The following SLC31A1 variants were observed in gnomAD, a reference collection of about 807,000 sequenced individuals.
The protein encoded by SLC31A1 is solute carrier family 31 member 1.
In SLC31A1, 5 loss-of-function variants were observed where a neutral mutation model predicts 17.2. The ratio of observed to expected loss-of-function variants is 0.29; its 90% confidence interval spans 0.15 to 0.61. SLC31A1 has a LOEUF of 0.61. SLC31A1 is among the 20% of genes least tolerant of loss of function. The pLI, the probability that SLC31A1 is intolerant of heterozygous loss-of-function variation, is 0.86. For missense variants in SLC31A1, 161 were observed against 241.4 expected (o/e 0.67, Z 2.21); for synonymous variants, 76 against 78.8 (o/e 0.96, Z 0.19).
At chr9:113,244,086 C>T (rs1831551750) in intron 1 of SLC31A1, among the ~76,000 whole-genome samples, 1 of 134,138 alleles carries the variant, frequency 7.5e-6, no homozygotes, top group Non-Finnish European at 1.5e-5. Context: ...ACCCAGGAGG[C>T]GGAGCTTTCA....
intron 1 of SLC31A1, among the ~76,000 whole-genome samples, chr9:113,241,973 A>T (rs1158438591): frequency 1.3e-5 from 2 of 152,234 alleles, no homozygotes; most frequent in African/African-American, 4.8e-5. Context: ...GAGGATCACG[A>T]GGTCAGGAGA....
chr9:113,234,385 C>G (rs377262607), intron 1 of SLC31A1, among the ~76,000 whole-genome samples: 4 of 151,292 alleles, frequency 2.6e-5, no homozygotes, highest in Middle Eastern at 6.8e-3. Context: ...CCATGTTGGC[C>G]AGGCTGGTCT....
chr9:113,247,138 A>G (rs1432449912), intron 1 of SLC31A1, among the ~76,000 whole-genome samples: 2 of 152,182 alleles, frequency 1.3e-5, no homozygotes, highest in East Asian at 1.9e-4. Context: ...AATTTTCTGT[A>G]TAAGTGCTTG....
intron 1 of SLC31A1, among the ~76,000 whole-genome samples, chr9:113,231,205 A>G (rs568710626): frequency 9.9e-5 from 15 of 152,254 alleles, no homozygotes; most frequent in Non-Finnish European, 1.5e-4. Context: ...GTGTCTGCCT[A>G]TGTTTAAGTA....
intron 1 of SLC31A1, among the ~76,000 whole-genome samples, chr9:113,236,360 T>C (rs1003345688): frequency 4.0e-5 from 6 of 151,878 alleles, no homozygotes; most frequent in Non-Finnish European, 8.8e-5. Context: ...TTTTTTGTTG[T>C]TTTTTGTTTG....
chr9:113,226,135 CAAAAAAA>C (rs34302331), intron 1 of SLC31A1, among the ~76,000 whole-genome samples: 1 of 119,988 alleles, frequency 8.3e-6, no homozygotes, highest in Non-Finnish European at 1.8e-5. Context: ...GACTCCATCT[CAAAAAAA>C]AAAAAAAAGA....
chr9:113,248,622 C>T (rs1831611819), intron 1 of SLC31A1, among the ~76,000 whole-genome samples: 3 of 151,744 alleles, frequency 2.0e-5, no homozygotes, highest in African/African-American at 7.3e-5. Flanking sequence ...GTGCCCGCCA[C>T]CACACCCGGC....
chr9:113,240,992 G>A (rs1831515353), intron 1 of SLC31A1, among the ~76,000 whole-genome samples: 1 of 150,420 alleles, frequency 6.6e-6, no homozygotes, highest in South Asian at 2.1e-4. Flanking sequence ...GGAAGTTGCA[G>A]TGAGCCGAGA....
chr9:113,257,276 A>G (rs1220946103), intron 3 of SLC31A1, 91 bp downstream of exon 3: 12 of 1,061,574 alleles, frequency 1.1e-5, no homozygotes, highest in South Asian at 2.5e-5. Context: ...TTTCTGTCCT[A>G]ATTACTAAGT....
At chr9:113,226,881 A>G (rs1564202500) in intron 1 of SLC31A1, among the ~76,000 whole-genome samples, 1 of 152,238 alleles carries the variant, frequency 6.6e-6, no homozygotes, top group Admixed American at 6.5e-5. Flanking sequence ...ATGAAATGAA[A>G]GGGAAATGGT....
intron 1 of SLC31A1, among the ~76,000 whole-genome samples, chr9:113,226,866 A>G (rs1587986279): frequency 1.3e-5 from 2 of 152,202 alleles, no homozygotes; most frequent in South Asian, 4.1e-4. Flanking sequence ...GTAGTCATTT[A>G]ATTTATGAAA....
chr9:113,232,851 A>T (rs1369189207), intron 1 of SLC31A1, among the ~76,000 whole-genome samples: 1 of 152,116 alleles, frequency 6.6e-6, no homozygotes, highest in African/African-American at 2.4e-5. Flanking sequence ...TCTCAAAAAA[A>T]AAAGAACAGC....
At position 113,256,657 on chromosome 9, in the gene SLC31A1, C is replaced by T. The variant is rs188261699; in HGVS notation, c.129+380C>T. 8 of 265,244 alleles carry T rather than the reference C, an allele frequency of 3.0e-5. No individual in the cohort carries two copies. In the East Asian group the frequency reaches 3.9e-4, roughly 13 times the overall value. The allele number at this position is 265,244 out of a possible 1,614,324, so 16.4% of individuals were successfully genotyped here. On this transcript the variant is annotated intron_variant, in intron 2 of 4. Transcript: ENST00000374212. ...CAGGTGGATCACAAGGTCAGGAGATCGAGACCATCCTAGCTAACACGGTGA... is the reference window on the plus strand; with the variant it reads ...CAGGTGGATCACAAGGTCAGGAGATTGAGACCATCCTAGCTAACACGGTGA...
chr9:113,221,704 C>A, intron 1 of SLC31A1, 26 bp downstream of exon 1: 1 of 282,596 alleles, frequency 3.5e-6, no homozygotes, highest in African/African-American at 2.2e-5. Flanking sequence ...GCCCCTCTTT[C>A]GCACCCCTGT....
At chr9:113,249,968 C>G (rs4355846) in intron 1 of SLC31A1, among the ~76,000 whole-genome samples, 9,424 of 151,988 alleles carry the variant, frequency 0.062, 627 homozygotes, top group East Asian at 0.33. Context: ...CAAATCAAAA[C>G]CACAGTGAGA....
intron 3 of SLC31A1, 112 bp downstream of exon 3, chr9:113,257,297 A>G (rs1233581656): frequency 1.1e-6 from 1 of 911,798 alleles, no homozygotes; most frequent in Non-Finnish European, 1.8e-6. Flanking sequence ...CAACATGGTA[A>G]TGATGCATAA....
intron 1 of SLC31A1, among the ~76,000 whole-genome samples, chr9:113,245,006 T>C (rs564278135): frequency 6.6e-6 from 1 of 152,234 alleles, no homozygotes; most frequent in Non-Finnish European, 1.5e-5. Context: ...TACATTGGTA[T>C]GGCACAACTT....
At chr9:113,249,042 C>T (rs1266244960) in intron 1 of SLC31A1, among the ~76,000 whole-genome samples, 1 of 152,052 alleles carries the variant, frequency 6.6e-6, no homozygotes, top group Non-Finnish European at 1.5e-5. Flanking sequence ...AAGAATCCTC[C>T]AAGTTGTACA....
intron 1 of SLC31A1, among the ~76,000 whole-genome samples, chr9:113,237,898 C>G (rs10081796): frequency 0.13 from 20,143 of 152,164 alleles, 1,473 homozygotes; most frequent in African/African-American, 0.19. Context: ...GTATATTAGA[C>G]TGCATATAGC....
Sources: allele counts gnomAD v4.1 joint callset (sites outside exome capture counted in the v4.1 genomes callset), GRCh38; gene constraint gnomAD v4.1.1; transcripts MANE v1.5; gene names NCBI Gene and HGNC (gene_info 2026-07-23, HGNC 2026-07-21).